KLF8: variants seen among roughly 807,000 people sequenced by gnomAD.
KLF8 encodes the protein Krueppel-like factor 8.
A neutral mutation model predicts 18.2 loss-of-function variants in KLF8; 10 were observed. That is an observed-to-expected ratio of 0.55 (90% CI 0.34 to 0.93). The LOEUF (loss-of-function observed/expected upper bound fraction) is 0.93, where lower values mean the gene tolerates loss of function less well. Among genes scored for constraint, KLF8 ranks in the 40% least tolerant of loss-of-function variants. KLF8 has a pLI of 0.02. For missense variants in KLF8, 264 were observed against 277.9 expected, an observed-to-expected ratio of 0.95 and a Z score of 0.36; for synonymous variants, 109 against 97.3, an observed-to-expected ratio of 1.12 and a Z score of -0.71.
At chrX:55,995,268 G>A in the KLF8 span, among the ~76,000 whole-genome samples, 2 of 112,316 alleles carry the variant, frequency 1.8e-5, no homozygotes, top group East Asian at 2.8e-4. Flanking sequence ...TTTACTTTGA[G>A]TCTATGTGTG....
the KLF8 span, among the ~76,000 whole-genome samples, chrX:56,117,502 GA>G: frequency 2.0e-4 from 21 of 107,251 alleles, no homozygotes; most frequent in South Asian, 4.0e-4. Context: ...ATCTCTGGGG[GA>G]AAAAAAAACA....
chrX:56,289,594 G>C lies in KLF8; in HGVS notation c.*5100G>C, dbSNP rs1207925950. ...ATATTGATGTTTTCAACTCTAACCTGTTACCACGTGAATCATTCTAGCTTC... is the reference window on the plus strand; with the variant it reads ...ATATTGATGTTTTCAACTCTAACCTCTTACCACGTGAATCATTCTAGCTTC... On this transcript the variant is annotated 3_prime_UTR_variant, in exon 6 of 6. Coordinates refer to ENST00000468660, the MANE Select transcript of KLF8 (RefSeq NM_007250.5). Among the ~76,000 whole-genome samples, 1 of 111,277 alleles carries C rather than the reference G, an allele frequency of 9.0e-6. No individual in the cohort carries two copies. The highest frequency in any genetic ancestry group is 1.9e-5 in the Non-Finnish European group (1 of 53,043).
chrX:56,066,067 G>A, the KLF8 span, among the ~76,000 whole-genome samples: 1 of 111,691 alleles, frequency 9.0e-6, no homozygotes, highest in African/African-American at 3.3e-5. Flanking sequence ...AGTCTTTGGG[G>A]CCTTGGGTAA....
chrX:56,084,726 T>G, the KLF8 span, among the ~76,000 whole-genome samples: 1 of 112,408 alleles, frequency 8.9e-6, no homozygotes, highest in African/African-American at 3.2e-5. Context: ...AAAGTAGCCA[T>G]TGGAATTTCA....
At chrX:56,121,371 G>A in the KLF8 span, among the ~76,000 whole-genome samples, 1 of 110,838 alleles carries the variant, frequency 9.0e-6, no homozygotes, top group Non-Finnish European at 1.9e-5. Context: ...AGAGAAAAGG[G>A]AGAAAAGTGA....
the KLF8 span, among the ~76,000 whole-genome samples, chrX:55,987,482 A>T: frequency 2.8e-4 from 31 of 111,195 alleles, no homozygotes; most frequent in Admixed American, 4.8e-4. Context: ...TAGTTTGCTG[A>T]GAATGATGGT....
At chrX:56,219,793 A>T in the KLF8 span, among the ~76,000 whole-genome samples, 1 of 112,118 alleles carries the variant, frequency 8.9e-6, no homozygotes, top group Non-Finnish European at 1.9e-5. Flanking sequence ...CAGAGGTTGC[A>T]GTGAGCTGAG....
At chrX:56,155,549 A>G in the KLF8 span, among the ~76,000 whole-genome samples, 1 of 111,356 alleles carries the variant, frequency 9.0e-6, no homozygotes, top group African/African-American at 3.3e-5. Flanking sequence ...GCACATGTAT[A>G]CATATGTAAC....
At chrX:56,038,887 G>T in the KLF8 span, among the ~76,000 whole-genome samples, 1 of 111,599 alleles carries the variant, frequency 9.0e-6, no homozygotes, top group Non-Finnish European at 1.9e-5. Flanking sequence ...GTTGTTCTTG[G>T]ACTTTTTTAG....
chrX:55,922,843 T>G, the KLF8 span, among the ~76,000 whole-genome samples: 1 of 111,748 alleles, frequency 8.9e-6, no homozygotes, highest in African/African-American at 3.3e-5. Context: ...CTGGTGAGAT[T>G]TTAGAGAAAA....
At chrX:56,246,449 T>C (rs750235892) in intron 1 of KLF8, among the ~76,000 whole-genome samples, 1 of 112,155 alleles carries the variant, frequency 8.9e-6, no homozygotes, top group African/African-American at 3.2e-5. Flanking sequence ...TACTTGAACA[T>C]ATATCAACTT....
the KLF8 span, among the ~76,000 whole-genome samples, chrX:56,167,421 G>A: frequency 2.4e-4 from 27 of 112,004 alleles, no homozygotes; most frequent in African/African-American, 8.4e-4. Flanking sequence ...AAGCCACCAC[G>A]CCTGGCCCAC....
At chrX:56,223,320 T>G in the KLF8 span, among the ~76,000 whole-genome samples, 5 of 112,593 alleles carry the variant, frequency 4.4e-5, no homozygotes, top group South Asian at 1.8e-3. Flanking sequence ...AAGCACACTA[T>G]TCACGTTAGT....
chrX:56,183,430 TGC>T, the KLF8 span, among the ~76,000 whole-genome samples: 17 of 111,857 alleles, frequency 1.5e-4, no homozygotes, highest in African/African-American at 4.9e-4. Flanking sequence ...GGTGAGGCGG[TGC>T]CCTGCCCTGC....
the KLF8 span, among the ~76,000 whole-genome samples, chrX:56,201,265 A>G: frequency 1.8e-5 from 2 of 112,137 alleles, no homozygotes; most frequent in Admixed American, 9.6e-5. Flanking sequence ...ATACAGTGAA[A>G]TATTATTCAC....
chrX:55,990,207 G>A, the KLF8 span, among the ~76,000 whole-genome samples: 1 of 111,765 alleles, frequency 8.9e-6, no homozygotes, highest in African/African-American at 3.3e-5. Context: ...ATTTCCTTCA[G>A]TTCTGCTCTG....
Position 56,258,641 on chromosome X carries a change from C to G in KLF8, c.82-6539C>G, listed in dbSNP as rs2066837965. ...TTCTAGAAATGTTTTTCTATGCATT[C>G]TTTAGGTATACTGAACTTCCAGAAT... is the stretch of plus-strand genomic sequence containing the variant. On this transcript the variant is annotated intron_variant, in intron 2 of 5. Coordinates refer to ENST00000468660, the MANE Select transcript of KLF8 (RefSeq NM_007250.5). Among the ~76,000 whole-genome samples, 7 of 112,356 alleles carry G rather than the reference C, an allele frequency of 6.2e-5. 1 individual carries two copies. The Admixed American group carries it at 6.6e-4, about 11-fold the overall frequency.
the KLF8 span, among the ~76,000 whole-genome samples, chrX:55,993,538 A>T: frequency 3.6e-5 from 4 of 112,002 alleles, no homozygotes; most frequent in Non-Finnish European, 7.5e-5. Context: ...ATGTATGTTT[A>T]TCAGGGATAT....
the KLF8 span, among the ~76,000 whole-genome samples, chrX:55,990,261 G>A: frequency 9.0e-6 from 1 of 111,200 alleles, no homozygotes; most frequent in African/African-American, 3.3e-5. Flanking sequence ...TGAGTTTGCT[G>A]TTGCTTCTCT....
Sources: allele counts gnomAD v4.1 joint callset (sites outside exome capture counted in the v4.1 genomes callset), GRCh38; gene constraint gnomAD v4.1.1; transcripts MANE v1.5; gene names NCBI Gene and HGNC (gene_info 2026-07-23, HGNC 2026-07-21).